Variants in RBFOX1 observed in about 807,000 individuals in gnomAD.
RBFOX1 encodes the protein RNA binding fox-1 homolog 1.
In RBFOX1, 8 loss-of-function variants were observed where a neutral mutation model predicts 57.7. That is an observed-to-expected ratio of 0.14 (90% CI 0.08 to 0.25). The LOEUF is 0.25. Among genes scored for constraint, RBFOX1 ranks in the 10% least tolerant of loss-of-function variants. The pLI, the probability that RBFOX1 is intolerant of heterozygous loss-of-function variation, is 1.00. For synonymous variants in RBFOX1, 326 were observed against 222.4 expected (o/e 1.47, Z -4.15); for missense variants, 611 against 548.5 (o/e 1.11, Z -1.14).
Position 7,351,068 on chromosome 16 carries a change from T to C in RBFOX1, c.28-167079T>C, listed in dbSNP as rs530065083. Among the ~76,000 whole-genome samples, 168 of 152,356 alleles carry C rather than the reference T, an allele frequency of 1.1e-3. 1 individual carries two copies. The highest frequency in any genetic ancestry group is 3.9e-3 in the African/African-American group (164 of 41,596). On this transcript the variant is annotated intron_variant, in intron 4 of 15. Transcript: ENST00000550418. ...TCACAGGACAGTTCTGTCTTCGGGA[T>C]GGCTGGTTTTCCTTTTATTTTAGCA... is the stretch of plus-strand genomic sequence containing the variant.
intron 4 of RBFOX1, among the ~76,000 whole-genome samples, chr16:7,463,893 G>C (rs886107438): frequency 1.3e-5 from 2 of 152,134 alleles, no homozygotes; most frequent in South Asian, 4.2e-4. Flanking sequence ...GAAGAGCAAA[G>C]TAGAGACTAT....
chr16:6,637,570 A>ATAGTATATATAGAATAGTCTATG (rs2098455858), intron 2 of RBFOX1, among the ~76,000 whole-genome samples: 1 of 142,558 alleles, frequency 7.0e-6, no homozygotes, highest in African/African-American at 2.6e-5. Flanking sequence ...AATATTCTAT[A>ATAGTATATATAGAATAGTCTATG]TAGTATATAT....
chr16:6,510,650 A>G (rs1427427434), intron 2 of RBFOX1, among the ~76,000 whole-genome samples: 1 of 152,182 alleles, frequency 6.6e-6, no homozygotes, highest in Non-Finnish European at 1.5e-5. Flanking sequence ...AATAGTCTGT[A>G]TCCCTCCCAC....
chr16:7,276,418 A>C (rs1047560758), intron 4 of RBFOX1, among the ~76,000 whole-genome samples: 1 of 152,218 alleles, frequency 6.6e-6, no homozygotes, highest in Non-Finnish European at 1.5e-5. Flanking sequence ...GACATCCATT[A>C]GAATGACAAA....
At chr16:6,851,221 T>C (rs1346674714) in intron 3 of RBFOX1, among the ~76,000 whole-genome samples, 1 of 152,162 alleles carries the variant, frequency 6.6e-6, no homozygotes, top group Admixed American at 6.5e-5. Flanking sequence ...GTAGCATTCT[T>C]GAGTTTAAAA....
At chr16:5,272,419 C>T (rs1430224236) in intron 1 of RBFOX1, among the ~76,000 whole-genome samples, 1 of 152,178 alleles carries the variant, frequency 6.6e-6, no homozygotes, top group Non-Finnish European at 1.5e-5. Flanking sequence ...CTGGAACATG[C>T]ACCAAGGCTG....
At chr16:6,797,159 C>T (rs771404900) in intron 3 of RBFOX1, among the ~76,000 whole-genome samples, 108 of 152,162 alleles carry the variant, frequency 7.1e-4, no homozygotes, top group Non-Finnish European at 4.4e-4. Context: ...GCAGCAGCAG[C>T]AGCAGAATTT....
intron 3 of RBFOX1, among the ~76,000 whole-genome samples, chr16:6,963,674 G>C (rs1020706811): frequency 6.6e-6 from 1 of 152,060 alleles, no homozygotes; most frequent in Non-Finnish European, 1.5e-5. Context: ...AAGAGGCAGA[G>C]CATAGAGGAT....
chr16:7,110,023 A>G (rs774181417), intron 4 of RBFOX1, among the ~76,000 whole-genome samples: 13 of 152,042 alleles, frequency 8.6e-5, no homozygotes, highest in Non-Finnish European at 1.6e-4. Flanking sequence ...GAGGAGTTAT[A>G]ATTCACCTGT....
At chr16:6,272,826 C>A (rs780193090) in intron 1 of RBFOX1, among the ~76,000 whole-genome samples, 1 of 151,998 alleles carries the variant, frequency 6.6e-6, no homozygotes, top group Non-Finnish European at 1.5e-5. Flanking sequence ...AAAGGCAATT[C>A]AATAGAGGAA....
intron 4 of RBFOX1, among the ~76,000 whole-genome samples, chr16:5,911,575 C>A (rs2058602947): frequency 6.6e-6 from 1 of 152,204 alleles, no homozygotes; most frequent in Admixed American, 6.5e-5. Flanking sequence ...AATCCCATTT[C>A]TAGCTTCTGA....
intron 1 of RBFOX1, among the ~76,000 whole-genome samples, chr16:5,408,372 C>G (rs989017421): frequency 1.3e-5 from 2 of 152,150 alleles, no homozygotes; most frequent in African/African-American, 2.4e-5. Context: ...TTGTCAGAAA[C>G]TAAGCAAGGC....
chr16:6,496,688 G>A lies in RBFOX1; in HGVS notation c.-63-157915G>A, dbSNP rs189905576. Among the ~76,000 whole-genome samples the A allele has an allele frequency of 4.4e-4, 67 of 152,236 alleles. 1 individual carries two copies. Among genetic ancestry groups the A allele is most frequent in the Admixed American group, 1.4e-3 (22 of 15,294 alleles). ...ATTACAGCGAGTATTGGCCGGGCACGGTGTCTCATGCCTGTAATCCCAGCA... is the reference window on the plus strand; with the variant it reads ...ATTACAGCGAGTATTGGCCGGGCACAGTGTCTCATGCCTGTAATCCCAGCA... On this transcript the variant is annotated intron_variant, in intron 2 of 15. Transcript: ENST00000550418.
rs182342479 is a variant in RBFOX1, at chr16:7,374,769, A to T, written c.28-143378A>T. On this transcript the variant is annotated intron_variant, in intron 4 of 15. Transcript: ENST00000550418. ...CTTTTAATGCCTTTGTTTTCACAGC[A>T]TCAAGATATCCTGGCAACCTAGAGT... Among the ~76,000 whole-genome samples the T allele has an allele frequency of 5.3e-5, 8 of 152,288 alleles. No homozygotes were observed. In the East Asian group the frequency reaches 1.5e-3, roughly 29 times the overall value.
intron 1 of RBFOX1, among the ~76,000 whole-genome samples, chr16:5,300,608 A>G (rs547317558): frequency 6.6e-6 from 1 of 152,260 alleles, no homozygotes; most frequent in African/African-American, 2.4e-5. Flanking sequence ...ATTTGATGAA[A>G]TTTGCCAGTG....
chr16:7,425,723 G>C (rs542977079), intron 4 of RBFOX1, among the ~76,000 whole-genome samples: 4 of 152,162 alleles, frequency 2.6e-5, no homozygotes, highest in Non-Finnish European at 5.9e-5. Flanking sequence ...CATTCTAGGG[G>C]GGATAGAGAC....
At chr16:6,899,277 T>C (rs1415076158) in intron 3 of RBFOX1, among the ~76,000 whole-genome samples, 1 of 152,134 alleles carries the variant, frequency 6.6e-6, no homozygotes. Flanking sequence ...CGTGTGCATG[T>C]ATGTGTGTAT....
At chr16:5,526,880 G>A (rs2044270517) in intron 2 of RBFOX1, among the ~76,000 whole-genome samples, 1 of 152,194 alleles carries the variant, frequency 6.6e-6, no homozygotes, top group Admixed American at 6.5e-5. Flanking sequence ...TCTACTGCTG[G>A]CTGTTTGTGT....
At chr16:7,349,591 A>C (rs1439234773) in intron 4 of RBFOX1, among the ~76,000 whole-genome samples, 1 of 151,916 alleles carries the variant, frequency 6.6e-6, no homozygotes, top group Non-Finnish European at 1.5e-5. Flanking sequence ...TTGATAGCTG[A>C]CCCTCAGAAT....
Sources: allele counts gnomAD v4.1 joint callset (sites outside exome capture counted in the v4.1 genomes callset), GRCh38; gene constraint gnomAD v4.1.1; transcripts MANE v1.5; gene names NCBI Gene and HGNC (gene_info 2026-07-23, HGNC 2026-07-21).